The following CD83 variants were observed in gnomAD, a reference collection of about 807,000 sequenced individuals.
CD83 encodes the protein CD83 antigen.
CD83 carries 22 observed loss-of-function variants against 24.6 expected under a neutral mutation model. The observed-to-expected ratio is 0.90, with a 90% CI of 0.64 to 1.28. The LOEUF (loss-of-function observed/expected upper bound fraction) is 1.28. CD83 is among the 50% of genes most tolerant of loss of function. The pLI is 0.00. For missense variants in CD83, 253 were observed against 252.8 expected, an observed-to-expected ratio of 1.00 and a Z score of -0.01; for synonymous variants, 101 against 103.5, an observed-to-expected ratio of 0.98 and a Z score of 0.14.
In CD83 at chr6:14,118,043, C is replaced by G; in HGVS notation, c.131C>G (p.Pro44Arg). 5.6e-6 allele frequency: 9 copies of G among 1,609,220 alleles called. No homozygotes were observed. Among genetic ancestry groups the G allele is most frequent in the Non-Finnish European group, 7.6e-6 (9 of 1,178,522 alleles). The change falls in exon 2 of 5, where the codon CCC becomes CGC. Residue 44 changes from proline to arginine, a missense_variant. Coordinates refer to ENST00000379153, the MANE Select transcript of CD83 (RefSeq NM_004233.4). Reference sequence around the variant, plus strand: ...ACCGCCCCCTGGGATCCGCAGGTTCCCTACACGGTCTCCTGGGTCAAGGTA... The same window carrying G: ...ACCGCCCCCTGGGATCCGCAGGTTCGCTACACGGTCTCCTGGGTCAAGGTA... ...PCTAPWDPQV[P>R]YTVSWVKLLE...
chr6:14,121,480 A>C (rs1424784606), intron 2 of CD83, among the ~76,000 whole-genome samples: 1 of 151,586 alleles, frequency 6.6e-6, no homozygotes, highest in Non-Finnish European at 1.5e-5. Context: ...TTTATCTTTT[A>C]AAGTTGTAAT....
intron 2 of CD83, among the ~76,000 whole-genome samples, chr6:14,123,138 C>T (rs1245861776): frequency 2.7e-5 from 4 of 150,864 alleles, no homozygotes; most frequent in Non-Finnish European, 5.9e-5. Context: ...GCTCTTGTCG[C>T]CCAGGCTGGA....
At chr6:14,128,972 G>C (rs1410835407) in intron 2 of CD83, among the ~76,000 whole-genome samples, 1 of 152,160 alleles carries the variant, frequency 6.6e-6, no homozygotes, top group African/African-American at 2.4e-5. Context: ...ACACAATAAT[G>C]GGGCCATCTT....
intron 2 of CD83, among the ~76,000 whole-genome samples, chr6:14,131,159 G>A (rs1264734768): frequency 6.6e-6 from 1 of 152,128 alleles, no homozygotes; most frequent in Non-Finnish European, 1.5e-5. Context: ...GAAAACAAGA[G>A]AACATTTAAT....
At chr6:14,118,671 A>G (rs751236427) in intron 2 of CD83, among the ~76,000 whole-genome samples, 1 of 152,120 alleles carries the variant, frequency 6.6e-6, no homozygotes, top group African/African-American at 2.4e-5. Flanking sequence ...CATCAGGTGG[A>G]TGCATGAGCC....
In CD83 at chr6:14,136,390, A is replaced by G. The variant is rs900903958; in HGVS notation, c.*1154A>G. On this transcript the variant is annotated 3_prime_UTR_variant, in exon 5 of 5. Transcript: ENST00000379153. ...ATTCTTTTGGGGAAGTGAGGAAGCC[A>G]GGTCCACGGTCTGTTCTTGAAGCAG... The G allele has an allele frequency of 6.6e-6, 1 of 152,234 alleles. No individual in the cohort carries two copies. The highest frequency in any genetic ancestry group is 6.5e-5 in the Admixed American group (1 of 15,286). The allele number at this position is 152,234 out of a possible 1,614,324, so 9.4% of individuals were successfully genotyped here.
rs1758022887 is a variant in CD83, at chr6:14,135,291, C to G, written c.*55C>G. The stretch of plus-strand genomic sequence containing the variant: ...AGCTGAGGCTCAGGGGTGTGCCTGT[C>G]TGTTACACTGGAGGAGAGAAGAATG... On this transcript the variant is annotated 3_prime_UTR_variant, in exon 5 of 5. Coordinates refer to ENST00000379153, the MANE Select transcript of CD83 (RefSeq NM_004233.4). 6.4e-7 allele frequency: 1 copy of G among 1,574,376 alleles called. No homozygotes were observed. The highest frequency in any genetic ancestry group is 8.7e-7 in the Non-Finnish European group (1 of 1,152,432).
At position 14,117,880 on chromosome 6, in the gene CD83, G is replaced by T. The variant is rs771547901; in HGVS notation, c.37+32G>T. Reference sequence around the variant, plus strand: ...CTCGCGAGCGCCTGTCTCGCCTGTCGCCCCCCGCCCCTCCACGACACCCCC... The same window carrying T: ...CTCGCGAGCGCCTGTCTCGCCTGTCTCCCCCCGCCCCTCCACGACACCCCC... On this transcript the variant is annotated intron_variant, in intron 1 of 4. Coordinates refer to ENST00000379153, the MANE Select transcript of CD83 (RefSeq NM_004233.4). The surrounding 1 kb of genome is among the most constrained non-coding windows in gnomAD (Gnocchi z 4.6). The T allele has an allele frequency of 8.3e-6, 13 of 1,573,552 alleles. No individual in the cohort carries two copies. The highest frequency in any genetic ancestry group is 1.7e-4 in the Middle Eastern group (1 of 6,022).
At position 14,131,625 on chromosome 6, in the gene CD83, G is replaced by A. The variant is rs1216347310; in HGVS notation, c.259G>A (p.Glu87Lys). The change falls in exon 3 of 5, where the codon GAA becomes AAA. Residue 87 changes from glutamate (E) to lysine (K), a missense_variant. By Grantham distance (56) the Glu-to-Lys change is moderately conservative. Coordinates refer to ENST00000379153, the MANE Select transcript of CD83 (RefSeq NM_004233.4). Reference protein sequence around the residue: ...GQNGSFDAPNERPYSLKIRNT... With the variant: ...GQNGSFDAPNKRPYSLKIRNT... ...AAATGGTTCTTTCGACGCCCCCAAT[G>A]AAAGGCCCTATTCCCTGAAGATCCG... is the stretch of plus-strand genomic sequence containing the variant. 13 of 1,614,032 alleles carry A rather than the reference G, an allele frequency of 8.1e-6. No individual in the cohort carries two copies. The highest frequency in any genetic ancestry group is 1.0e-5 in the Non-Finnish European group (12 of 1,180,026).
rs917772594 is a variant in CD83 at position 14,136,310 on chromosome 6, A to G, written c.*1074A>G. On this transcript the variant is annotated 3_prime_UTR_variant, in exon 5 of 5. Coordinates refer to ENST00000379153, the MANE Select transcript of CD83 (RefSeq NM_004233.4). Reference sequence around the variant, plus strand: ...GTGCTATCCATTTCTCATGTTTTCCATTGTTTGAAACAAAGAAGGTTACCA... The same window carrying G: ...GTGCTATCCATTTCTCATGTTTTCCGTTGTTTGAAACAAAGAAGGTTACCA... 3 of 152,222 alleles carry G rather than the reference A, an allele frequency of 2.0e-5. No homozygotes were observed. Among genetic ancestry groups the G allele is most frequent in the African/African-American group, 7.2e-5 (3 of 41,460 alleles). 9.4% of individuals were successfully genotyped at this position (152,222 alleles called of 1,614,324 possible). A position where few individuals can be genotyped will look rare whatever the true frequency, so the allele number is the denominator to read the frequency against.
In CD83 at chr6:14,131,649, C is replaced by G; in HGVS notation, c.283C>G (p.Arg95Gly). ...TGAAAGGCCCTATTCCCTGAAGATC[C>G]GAAACACTACCAGCTGCAACTCGGG... ...PNERPYSLKI[R>G]NTTSCNSGTY... Residue 95 changes from arginine (R) to glycine (G), a missense_variant, in exon 3 of 5, where the codon CGA (arginine) becomes GGA (glycine). Arg to Gly is a moderately radical substitution (Grantham distance 125). Transcript: ENST00000379153. The G allele has an allele frequency of 2.5e-6, 4 of 1,614,092 alleles. No individual in the cohort carries two copies. The highest frequency in any genetic ancestry group is 3.4e-6 in the Non-Finnish European group (4 of 1,180,006).
rs994432321 is a variant in CD83, at chr6:14,128,807, G to A, written c.154-2713G>A. ...TAAAAATAACTAGCGGCCCACTGAC[G>A]GTTTTGCCAGAGGCCCTTGGAAATC... On this transcript the variant is annotated intron_variant, in intron 2 of 4. Coordinates refer to ENST00000379153, the MANE Select transcript of CD83 (RefSeq NM_004233.4). Among the ~76,000 whole-genome samples the A allele has an allele frequency of 2.6e-5, 4 of 152,076 alleles. No individual in the cohort carries two copies. The East Asian group carries it at 5.8e-4, about 22-fold the overall frequency.
chr6:14,118,193 A>G (rs1759586831), intron 2 of CD83, 128 bp downstream of exon 2: 1 of 625,914 alleles, frequency 1.6e-6, no homozygotes, highest in African/African-American at 1.9e-5. Context: ...CCGCAGCTGA[A>G]CTTGGAGTAC....
At chr6:14,118,699 G>C (rs533916409) in intron 2 of CD83, among the ~76,000 whole-genome samples, 2 of 152,310 alleles carry the variant, frequency 1.3e-5, no homozygotes, top group African/African-American at 4.8e-5. Flanking sequence ...GCATGTGTAA[G>C]AACAGGCCTT....
At position 14,117,972 on chromosome 6, in the gene CD83, G is replaced by T. The variant is rs766593353; in HGVS notation, c.60G>T (p.Thr20=). 1 of 1,609,486 alleles carries T rather than the reference G, an allele frequency of 6.2e-7. No individual in the cohort carries two copies. The highest frequency in any genetic ancestry group is 1.7e-5 in the Admixed American group (1 of 59,610). Reference sequence around the variant, plus strand: ...TAGCCTACAGCCTGGCTCCCGCGACGCCGGAGGTGAAGGTGGCTTGCTCCG... The same window carrying T: ...TAGCCTACAGCCTGGCTCCCGCGACTCCGGAGGTGAAGGTGGCTTGCTCCG... The part of the protein sequence containing the change: ...LSCAYSLAPA[T]PEVKVACSED... Residue 20 remains threonine, a synonymous_variant, in exon 2 of 5, where the codon ACG becomes ACT. Coordinates refer to ENST00000379153, the MANE Select transcript of CD83 (RefSeq NM_004233.4). This position sits in a 1 kb window ranked among gnomAD's most constrained non-coding sequence, Gnocchi z 4.6.
intron 2 of CD83, among the ~76,000 whole-genome samples, chr6:14,122,542 G>T (rs1714551578): frequency 6.6e-6 from 1 of 152,018 alleles, no homozygotes; most frequent in South Asian, 2.1e-4. Flanking sequence ...TGATTCTGTT[G>T]TAAGGTGGAT....
chr6:14,117,615 CGGGGGCGAA>C (rs1362035531), upstream of CD83: 9 of 154,346 alleles, frequency 5.8e-5, no homozygotes, highest in African/African-American at 5.7e-4. The surrounding 1 kb of genome is among the most constrained non-coding windows in gnomAD (Gnocchi z 4.6). Context: ...GGGGCGGGGA[CGGGGGCGAA>C]GGGGGCGGGG....
chr6:14,118,142 GC>G, intron 2 of CD83, 77 bp downstream of exon 2: 3 of 1,081,432 alleles, frequency 2.8e-6, no homozygotes, highest in Non-Finnish European at 3.9e-6. Flanking sequence ...CCCTAGGCTG[GC>G]GACCCTCTGT....
chr6:14,132,915 C>T (rs1757948556), intron 3 of CD83, among the ~76,000 whole-genome samples: 1 of 152,222 alleles, frequency 6.6e-6, no homozygotes, highest in East Asian at 1.9e-4. Context: ...CTTCCCCAAA[C>T]AGCACATTGG....
Sources: gnomAD v4.1 joint callset for allele counts (sites outside exome capture counted in the v4.1 genomes callset) on GRCh38, gnomAD v4.1.1 for gene constraint, Gnocchi (gnomAD v3.1) non-coding constraint, MANE v1.5 for transcripts, NCBI Gene and HGNC (gene_info 2026-07-23, HGNC 2026-07-21) for gene names.